The following L3MBTL2 variants were observed in gnomAD, a reference collection of about 807,000 sequenced individuals.
The protein encoded by L3MBTL2 is L3MBTL histone methyl-lysine binding protein 2, also known as lethal(3)malignant brain tumor-like protein 2.
L3MBTL2 carries 49 observed loss-of-function variants against 86.4 expected under a neutral mutation model. The observed-to-expected ratio is 0.57, with a 90% confidence interval of 0.45 to 0.72. The LOEUF (loss-of-function observed/expected upper bound fraction) is 0.72, where lower values mean the gene tolerates loss of function less well. L3MBTL2 is among the 30% of genes least tolerant of loss of function. The pLI, the probability that L3MBTL2 is intolerant of heterozygous loss-of-function variation, is 0.00. For synonymous variants in L3MBTL2, 336 were observed against 350.6 expected (o/e 0.96, Z 0.47); for missense variants, 755 against 923.7 (o/e 0.82, Z 2.37).
chr22:41,230,064 T>C lies in L3MBTL2; in HGVS notation c.2006-75T>C, dbSNP rs1444009371. 4 of 1,070,068 alleles carry C rather than the reference T, an allele frequency of 3.7e-6. No individual in the cohort carries two copies. The Admixed American group carries it at 5.8e-5, about 16-fold the overall frequency. 66.3% of individuals were successfully genotyped at this position (1,070,068 alleles called of 1,614,324 possible). A position where few individuals can be genotyped will look rare whatever the true frequency, so the allele number is the denominator to read the frequency against. ...CCCCATCTGTAGGGAGCCAGGTCCC[T>C]TTCCCAGCTCCTCCGCCCCCACCCC... On this transcript the variant is annotated intron_variant, in intron 16 of 16. Coordinates refer to ENST00000216237, the MANE Select transcript of L3MBTL2 (RefSeq NM_031488.5).
chr22:41,225,141 AC>A lies in L3MBTL2; in HGVS notation c.1356+74del. Reference sequence around the variant, plus strand: ...GGGACCCATGTGGCCCAGAGCTCTAACCCCACTCGCCACCGTCAGGGGGTCT... The same window carrying A: ...GGGACCCATGTGGCCCAGAGCTCTAACCCACTCGCCACCGTCAGGGGGTCT... On this transcript the variant is annotated intron_variant, in intron 11 of 16. Coordinates refer to ENST00000216237, the MANE Select transcript of L3MBTL2 (RefSeq NM_031488.5). This position sits in a 1 kb window ranked among gnomAD's most constrained non-coding sequence, Gnocchi z 4.1. The A allele has an allele frequency of 8.0e-7, 1 of 1,243,890 alleles. No homozygotes were observed. Among genetic ancestry groups the A allele is most frequent in the Non-Finnish European group, 1.1e-6 (1 of 874,998 alleles). The allele number at this position is 1,243,890 out of a possible 1,614,324, so 77.1% of individuals were successfully genotyped here.
chr22:41,219,805 G>A (rs1469578567), intron 6 of L3MBTL2, among the ~76,000 whole-genome samples: 2 of 152,036 alleles, frequency 1.3e-5, no homozygotes, highest in South Asian at 2.1e-4. Flanking sequence ...ACGGTGGCAC[G>A]ATCTCGGCTC....
At position 41,227,769 on chromosome 22, in the gene L3MBTL2, T is replaced by C. The variant is rs146081604; in HGVS notation, c.1823-35T>C. ...GCCCTGTGTCCTCCCAGGGACCCTCTTCTCATCTCTTTCACCCTTGTCTTT... is the reference window on the plus strand; with the variant it reads ...GCCCTGTGTCCTCCCAGGGACCCTCCTCTCATCTCTTTCACCCTTGTCTTT... On this transcript the variant is annotated intron_variant, in intron 14 of 16. Coordinates refer to ENST00000216237, the MANE Select transcript of L3MBTL2 (RefSeq NM_031488.5). The surrounding 1 kb of genome is among the most constrained non-coding windows in gnomAD (Gnocchi z 6.0). 1.7e-5 allele frequency: 28 copies of C among 1,613,314 alleles called. No homozygotes were observed. In the African/African-American group the frequency reaches 3.5e-4, roughly 20 times the overall value.
intron 8 of L3MBTL2, among the ~76,000 whole-genome samples, chr22:41,222,607 G>A (rs1026007609): frequency 3.3e-4 from 50 of 150,342 alleles, no homozygotes; most frequent in Admixed American, 2.7e-4. Flanking sequence ...GTGAGACTTC[G>A]TCTCTTGAAA....
chr22:41,217,689 G>A (rs2031497789), intron 5 of L3MBTL2: 1 of 161,000 alleles, frequency 6.2e-6, no homozygotes, highest in Non-Finnish European at 1.4e-5. Flanking sequence ...CGCAAGAACC[G>A]AATATCCAGC....
Position 41,217,213 on chromosome 22 carries a change from T to C in L3MBTL2, c.600+11T>C. On this transcript the variant is annotated intron_variant, in intron 5 of 16. Transcript: ENST00000216237. ...AGCTGTTTCAAGCACGTGAGTGCCC[T>C]GGAGCTGAGGGAGGGAGGCCGGGGA... 1 of 1,607,848 alleles carries C rather than the reference T, an allele frequency of 6.2e-7. No individual in the cohort carries two copies.
At chr22:41,208,097 G>A (rs1190859392) in intron 1 of L3MBTL2, among the ~76,000 whole-genome samples, 4 of 151,774 alleles carry the variant, frequency 2.6e-5, no homozygotes, top group Admixed American at 2.0e-4. Flanking sequence ...CACCCAAAGT[G>A]CTGGGATTAT....
At chr22:41,219,674 A>G in intron 6 of L3MBTL2, 138 bp downstream of exon 6, 1 of 626,176 alleles carries the variant, frequency 1.6e-6, no homozygotes, top group Non-Finnish European at 2.9e-6. Context: ...ACTTCTAAGG[A>G]TTCTTTTACC....
chr22:41,215,700 G>A (rs1438222752), intron 3 of L3MBTL2, among the ~76,000 whole-genome samples: 4 of 152,216 alleles, frequency 2.6e-5, no homozygotes, highest in African/African-American at 9.7e-5. Context: ...ATTCGCCTAT[G>A]TGGACCCTCT....
chr22:41,229,209 A>T (rs2032409199), intron 15 of L3MBTL2, among the ~76,000 whole-genome samples: 1 of 152,210 alleles, frequency 6.6e-6, no homozygotes, highest in African/African-American at 2.4e-5. Flanking sequence ...GTGAACTGTG[A>T]TCACCCCACT....
intron 15 of L3MBTL2, chr22:41,228,172 C>G (rs1014789241): frequency 2.0e-6 from 2 of 985,394 alleles, no homozygotes; most frequent in Non-Finnish European, 2.4e-6. Context: ...GCCCCATGTT[C>G]AGAAAAAAAC....
In L3MBTL2 at chr22:41,224,839, TG is replaced by T; in HGVS notation, c.1251+41del. Reference sequence around the variant, plus strand: ...TCTTGGGCGCTTTTCCCCTCAGCCATGGGTCCATTCCGGGCCTGAGGGACCT... The same window carrying T: ...TCTTGGGCGCTTTTCCCCTCAGCCATGGTCCATTCCGGGCCTGAGGGACCT... On this transcript the variant is annotated intron_variant, in intron 10 of 16. Coordinates refer to ENST00000216237, the MANE Select transcript of L3MBTL2 (RefSeq NM_031488.5). This position sits in a 1 kb window ranked among gnomAD's most constrained non-coding sequence, Gnocchi z 4.9. 1 of 1,586,420 alleles carries T rather than the reference TG, an allele frequency of 6.3e-7. No homozygotes were observed. Among genetic ancestry groups the T allele is most frequent in the Non-Finnish European group, 8.7e-7 (1 of 1,154,930 alleles).
intron 15 of L3MBTL2, chr22:41,228,485 C>G: frequency 1.0e-6 from 1 of 985,450 alleles, no homozygotes; most frequent in Non-Finnish European, 1.2e-6. Flanking sequence ...GCGAGGTGGG[C>G]TCCACAGTGT....
intron 13 of L3MBTL2, 116 bp from the exon 14 acceptor site, chr22:41,226,973 C>A: frequency 1.1e-6 from 1 of 904,196 alleles, no homozygotes; most frequent in Non-Finnish European, 1.7e-6. Flanking sequence ...GCTGCCCCAG[C>A]AGCCATTCCA....
chr22:41,207,623 C>G (rs750828252), intron 1 of L3MBTL2, among the ~76,000 whole-genome samples: 2 of 152,138 alleles, frequency 1.3e-5, no homozygotes, highest in Non-Finnish European at 2.9e-5. Flanking sequence ...CGAGTAAGCA[C>G]TAGAGATATT....
At chr22:41,228,202 G>A (rs986353993) in intron 15 of L3MBTL2, 31 of 985,344 alleles carry the variant, frequency 3.1e-5, no homozygotes, top group East Asian at 2.3e-4. Flanking sequence ...TGGGCAAGCC[G>A]CAGCTGCTAG....
chr22:41,220,396 A>G (rs1164204474), intron 6 of L3MBTL2, among the ~76,000 whole-genome samples: 1 of 151,532 alleles, frequency 6.6e-6, no homozygotes, highest in African/African-American at 2.4e-5. Context: ...TTAAGAACAT[A>G]CCTTCCCCAA....
intron 2 of L3MBTL2, chr22:41,213,507 G>T (rs2031086566): frequency 6.5e-6 from 1 of 153,920 alleles, no homozygotes. Context: ...GCCCAGGATG[G>T]TCTCAAATTC....
chr22:41,212,458 T>C (rs139445), intron 2 of L3MBTL2, among the ~76,000 whole-genome samples: 60,882 of 145,440 alleles, frequency 0.42, 13,422 homozygotes, highest in African/African-American at 0.56. Context: ...AGTGCAGTGG[T>C]GCCATCTCAG....
Sources: gnomAD v4.1 joint callset for allele counts (sites outside exome capture counted in the v4.1 genomes callset) on GRCh38, gnomAD v4.1.1 for gene constraint, Gnocchi (gnomAD v3.1) non-coding constraint, MANE v1.5 for transcripts, NCBI Gene and HGNC (gene_info 2026-07-23, HGNC 2026-07-21) for gene names.